Variants in SESTD1 observed in about 807,000 individuals in gnomAD.
The protein encoded by SESTD1 is SEC14 and spectrin domain containing 1.
Under a neutral mutation model 101.7 loss-of-function variants are expected in SESTD1, and 43 were observed. The observed-to-expected ratio is 0.42, with a 90% CI of 0.33 to 0.55. The LOEUF (loss-of-function observed/expected upper bound fraction) is 0.55, where lower values mean the gene tolerates loss of function less well. Among genes scored for constraint, SESTD1 ranks in the 20% least tolerant of loss-of-function variants. The probability of loss-of-function intolerance (pLI) is 0.07; values close to 1 mark genes in which losing one functional copy is unlikely to be tolerated. For missense variants in SESTD1, 647 were observed against 815.1 expected (o/e 0.79, Z 2.51); for synonymous variants, 283 against 286.8 (o/e 0.99, Z 0.13).
chr2:179,162,263 AT>A (rs1178629891), intron 5 of SESTD1, among the ~76,000 whole-genome samples: 1 of 152,172 alleles, frequency 6.6e-6, no homozygotes, highest in South Asian at 2.1e-4. Flanking sequence ...AAAAAACCAT[AT>A]TTTTTAAAAG....
At chr2:179,250,484 G>C (rs1402919912) in intron 1 of SESTD1, among the ~76,000 whole-genome samples, 1 of 152,196 alleles carries the variant, frequency 6.6e-6, no homozygotes, top group Non-Finnish European at 1.5e-5. Context: ...TACAGTTCCG[G>C]AGGTTAGAAG....
intron 10 of SESTD1, among the ~76,000 whole-genome samples, chr2:179,131,848 A>G (rs1414892821): frequency 6.6e-6 from 1 of 152,212 alleles, no homozygotes; most frequent in Non-Finnish European, 1.5e-5. Context: ...CAGAGAATGG[A>G]AAAATATTCT....
chr2:179,103,860 C>T lies in SESTD1; in HGVS notation c.*6039G>A, dbSNP rs956089409. 1.3e-5 allele frequency: 2 copies of T among 152,036 alleles called. No individual in the cohort carries two copies. 9.4% of individuals were successfully genotyped at this position (152,036 alleles called of 1,614,324 possible). A position where few individuals can be genotyped will look rare whatever the true frequency, so the allele number is the denominator to read the frequency against. On this transcript the variant is annotated 3_prime_UTR_variant, in exon 18 of 18. Coordinates refer to ENST00000428443, the MANE Select transcript of SESTD1 (RefSeq NM_178123.5). ...CTCAGTGAACACATATTTCTATGCA[C>T]TTCATTGCATGCTAATTTTATGTAA...
At chr2:179,220,709 A>G (rs907348259) in intron 1 of SESTD1, among the ~76,000 whole-genome samples, 5 of 152,176 alleles carry the variant, frequency 3.3e-5, no homozygotes, top group African/African-American at 1.2e-4. Flanking sequence ...CACAAATTCC[A>G]GCATCTAATT....
In SESTD1 at chr2:179,107,909, G is replaced by A. The variant is rs1414376061; in HGVS notation, c.*1990C>T. On this transcript the variant is annotated 3_prime_UTR_variant, in exon 18 of 18. Coordinates refer to ENST00000428443, the MANE Select transcript of SESTD1 (RefSeq NM_178123.5). ...CAGTAAAGCCCCAAAGGACTGAGAA[G>A]ATGATTCAAGTATAGAAAGAACTTC... 1 of 152,150 alleles carries A rather than the reference G, an allele frequency of 6.6e-6. No homozygotes were observed. Among genetic ancestry groups the A allele is most frequent in the Non-Finnish European group, 1.5e-5 (1 of 68,022 alleles). The allele number at this position is 152,150 out of a possible 1,614,324, so 9.4% of individuals were successfully genotyped here.
intron 1 of SESTD1, among the ~76,000 whole-genome samples, chr2:179,235,663 G>C (rs1438088296): frequency 6.6e-6 from 1 of 152,024 alleles, no homozygotes; most frequent in Non-Finnish European, 1.5e-5. Flanking sequence ...TATTACCTTG[G>C]AAACATTTCC....
intron 1 of SESTD1, among the ~76,000 whole-genome samples, chr2:179,223,155 A>C (rs2046837652): frequency 6.6e-6 from 1 of 152,176 alleles, no homozygotes; most frequent in Non-Finnish European, 1.5e-5. Context: ...GGATAAACTT[A>C]GAAAACATAC....
intron 1 of SESTD1, among the ~76,000 whole-genome samples, chr2:179,250,349 G>T (rs75915527): frequency 0.017 from 2,517 of 152,246 alleles, 40 homozygotes; most frequent in Non-Finnish European, 0.021. Flanking sequence ...TATCACAATG[G>T]CTAAAATAAA....
chr2:179,181,991 T>TAAA (rs35017699), intron 3 of SESTD1, among the ~76,000 whole-genome samples: 1 of 139,624 alleles, frequency 7.2e-6, no homozygotes, highest in African/African-American at 2.6e-5. Context: ...TCCACAATAT[T>TAAA]AAAAAAAAAA....
chr2:179,215,797 C>T lies in SESTD1; in HGVS notation c.-25-23931G>A, dbSNP rs1211668807. 2.2e-5 allele frequency among the ~76,000 whole-genome samples: 3 copies of T among 135,300 alleles called. 1 individual carries two copies. Among genetic ancestry groups the T allele is most frequent in the Non-Finnish European group, 4.8e-5 (3 of 62,888 alleles). 88.8% of individuals were successfully genotyped at this position (135,300 alleles called of 152,430 possible). A position where few individuals can be genotyped will look rare whatever the true frequency, so the allele number is the denominator to read the frequency against. On this transcript the variant is annotated intron_variant, in intron 1 of 17. Coordinates refer to ENST00000428443, the MANE Select transcript of SESTD1 (RefSeq NM_178123.5). ...ACATCAATAGCTAATCCACCACTAT[C>T]AAGTTGGCTTCATCCCTGAGATGCA...
intron 10 of SESTD1, among the ~76,000 whole-genome samples, chr2:179,125,177 C>T (rs1159175059): frequency 1.3e-5 from 2 of 152,166 alleles, no homozygotes; most frequent in Admixed American, 1.3e-4. Context: ...TCATCATATA[C>T]TACTATGTAG....
intron 1 of SESTD1, among the ~76,000 whole-genome samples, chr2:179,248,001 C>T (rs991941831): frequency 6.6e-6 from 1 of 151,506 alleles, no homozygotes; most frequent in Non-Finnish European, 1.5e-5. Flanking sequence ...AAATCTCAAA[C>T]CAATAATTTA....
At chr2:179,190,402 A>C (rs1327917262) in intron 2 of SESTD1, among the ~76,000 whole-genome samples, 1 of 152,202 alleles carries the variant, frequency 6.6e-6, no homozygotes, top group Non-Finnish European at 1.5e-5. Context: ...AGATGAATTA[A>C]AGACTTAAAC....
rs1339605249 is a variant in SESTD1 at position 179,197,439 on chromosome 2, C to G, written c.-25-5573G>C. Among the ~76,000 whole-genome samples, 21 of 152,046 alleles carry G rather than the reference C, an allele frequency of 1.4e-4. 1 individual carries two copies. Among genetic ancestry groups the G allele is most frequent in the African/African-American group, 4.1e-4 (17 of 41,482 alleles). On this transcript the variant is annotated intron_variant, in intron 1 of 17. Coordinates refer to ENST00000428443, the MANE Select transcript of SESTD1 (RefSeq NM_178123.5). The stretch of plus-strand genomic sequence containing the variant: ...ATCTAGCAAGGCAGGCCAACATTCA[C>G]ATTCAGGAAATACAGAGAACACCAC...
At chr2:179,147,097 A>G (rs1177433160) in intron 7 of SESTD1, among the ~76,000 whole-genome samples, 1 of 151,878 alleles carries the variant, frequency 6.6e-6, no homozygotes, top group Non-Finnish European at 1.5e-5. Context: ...TAAATTTTTC[A>G]CTTTTTGTCA....
At chr2:179,111,876 C>T (rs531374226) in intron 17 of SESTD1, among the ~76,000 whole-genome samples, 1 of 152,184 alleles carries the variant, frequency 6.6e-6, no homozygotes, top group South Asian at 2.1e-4. Flanking sequence ...CCCGCCACCA[C>T]GCCCAGCTAA....
In SESTD1 at chr2:179,147,365, G is replaced by GTT. The variant is rs113504437; in HGVS notation, c.582-910_582-909dup. Among the ~76,000 whole-genome samples the GTT allele has an allele frequency of 9.1e-3, 1,291 of 141,138 alleles. 15 individuals carry two copies. The highest frequency in any genetic ancestry group is 0.03 in the African/African-American group (1,183 of 38,874). The allele number at this position is 141,138 out of a possible 152,430, so 92.6% of individuals were successfully genotyped here. ...CTGAACAAGATATGTTTGTTTTTTT[G>GTT]TTTTTTTTTTTTTTGAGACGGAGTC... On this transcript the variant is annotated intron_variant, in intron 7 of 17. Transcript: ENST00000428443.
chr2:179,145,676 TTTACATCGATGATTATAAA>T (rs1341086963), intron 8 of SESTD1, among the ~76,000 whole-genome samples: 1 of 152,232 alleles, frequency 6.6e-6, no homozygotes, highest in African/African-American at 2.4e-5. Context: ...GATAAGTGTT[TTTACATCGATGATTATAAA>T]ACAGTAGAGC....
intron 1 of SESTD1, among the ~76,000 whole-genome samples, chr2:179,217,146 A>T (rs901646118): frequency 2.6e-5 from 4 of 152,224 alleles, no homozygotes; most frequent in African/African-American, 9.6e-5. Context: ...ATCTAATTAA[A>T]CTAAAGAGCT....
Sources: allele counts gnomAD v4.1 joint callset (sites outside exome capture counted in the v4.1 genomes callset), GRCh38; gene constraint gnomAD v4.1.1; transcripts MANE v1.5; gene names NCBI Gene and HGNC (gene_info 2026-07-23, HGNC 2026-07-21).